MYT1L: variants seen among roughly 807,000 people sequenced by gnomAD.
MYT1L encodes myelin transcription factor 1 like, also known as myelin transcription factor 1-like protein.
Under a neutral mutation model 126.7 loss-of-function variants are expected in MYT1L, and 12 were observed. That is an observed-to-expected ratio of 0.09 (90% CI 0.06 to 0.15). The LOEUF (loss-of-function observed/expected upper bound fraction) is 0.15. MYT1L is among the 10% of genes least tolerant of loss of function. The pLI is 1.00. For missense variants in MYT1L, 979 were observed against 1,585.2 expected (o/e 0.62, Z 6.49); for synonymous variants, 541 against 604.2 (o/e 0.90, Z 1.53).
At chr2:2,233,315 C>T (rs1394169869) in intron 2 of MYT1L, among the ~76,000 whole-genome samples, 6 of 152,106 alleles carry the variant, frequency 3.9e-5, no homozygotes, top group Non-Finnish European at 8.8e-5. Context: ...CACGGGGCGC[C>T]GGGATGTCAG....
intron 4 of MYT1L, among the ~76,000 whole-genome samples, chr2:2,006,069 T>C (rs113096289): frequency 6.6e-6 from 1 of 151,912 alleles, no homozygotes; most frequent in East Asian, 1.9e-4. Flanking sequence ...CTTTCCTGCA[T>C]GTGTTCTTTC....
chr2:2,156,566 G>A (rs1559170247), intron 3 of MYT1L, among the ~76,000 whole-genome samples: 1 of 152,248 alleles, frequency 6.6e-6, no homozygotes, highest in African/African-American at 2.4e-5. Flanking sequence ...ATGTAGATTA[G>A]AAGTTTATTG....
chr2:2,233,529 C>G (rs55791725), intron 2 of MYT1L, among the ~76,000 whole-genome samples: 3,169 of 152,258 alleles, frequency 0.021, 96 homozygotes, highest in African/African-American at 0.072. Flanking sequence ...GATGGGGCGG[C>G]CTCTGGTGTC....
chr2:1,831,623 C>A (rs528844539), intron 21 of MYT1L, among the ~76,000 whole-genome samples: 4 of 152,214 alleles, frequency 2.6e-5, no homozygotes, highest in Admixed American at 6.5e-5. Context: ...TGTATTCCCA[C>A]GGCCAATGCC....
chr2:2,133,915 C>A (rs1447309604), intron 3 of MYT1L, among the ~76,000 whole-genome samples: 2 of 152,190 alleles, frequency 1.3e-5, no homozygotes, highest in Non-Finnish European at 2.9e-5. Flanking sequence ...GGAATAATTT[C>A]TTTAAACTTA....
intron 2 of MYT1L, among the ~76,000 whole-genome samples, chr2:2,248,088 T>C (rs1426451502): frequency 6.6e-6 from 1 of 151,026 alleles, no homozygotes; most frequent in Non-Finnish European, 1.5e-5. Context: ...AAAAGATCAA[T>C]GAAACTGTTT....
chr2:2,118,115 TATA>T (rs1485785840), intron 3 of MYT1L, among the ~76,000 whole-genome samples: 8 of 148,938 alleles, frequency 5.4e-5, no homozygotes, highest in East Asian at 1.9e-4. Flanking sequence ...TATTTTTATA[TATA>T]ATATTTTATA....
chr2:2,246,847 A>G (rs906022376), intron 2 of MYT1L, among the ~76,000 whole-genome samples: 1 of 152,166 alleles, frequency 6.6e-6, no homozygotes, highest in Non-Finnish European at 1.5e-5. Flanking sequence ...AAGTTTATGA[A>G]CATGTTCAAT....
intron 16 of MYT1L, among the ~76,000 whole-genome samples, chr2:1,888,690 CA>C: frequency 6.6e-6 from 1 of 152,102 alleles, no homozygotes; most frequent in Non-Finnish European, 1.5e-5. Context: ...GTAGCTACTT[CA>C]AAAGTATGTT....
At chr2:2,063,965 A>T (rs951162535) in intron 3 of MYT1L, among the ~76,000 whole-genome samples, 1 of 152,224 alleles carries the variant, frequency 6.6e-6, no homozygotes, top group African/African-American at 2.4e-5. Context: ...TATTCATGCC[A>T]TGAGATCGGA....
intron 18 of MYT1L, among the ~76,000 whole-genome samples, chr2:1,871,697 G>A (rs886509879): frequency 6.6e-6 from 1 of 152,150 alleles, no homozygotes; most frequent in African/African-American, 2.4e-5. Flanking sequence ...TCAGTCCTCA[G>A]CCTCTTCAGG....
intron 4 of MYT1L, among the ~76,000 whole-genome samples, chr2:2,037,678 C>A (rs997713742): frequency 2.0e-5 from 3 of 151,632 alleles, no homozygotes; most frequent in South Asian, 2.1e-4. Flanking sequence ...ATCACTTGAG[C>A]CCGGGAGGTG....
intron 3 of MYT1L, among the ~76,000 whole-genome samples, chr2:2,101,805 C>G (rs1392917452): frequency 6.6e-6 from 1 of 152,182 alleles, no homozygotes; most frequent in African/African-American, 2.4e-5. Context: ...ATTGAAGAGA[C>G]AATGCATTTA....
chr2:2,257,008 A>C (rs559751618), intron 2 of MYT1L, among the ~76,000 whole-genome samples: 1 of 152,194 alleles, frequency 6.6e-6, no homozygotes, highest in African/African-American at 2.4e-5. Flanking sequence ...CAGATTTTCA[A>C]TGTTCCCCTT....
At position 1,892,211 on chromosome 2, in the gene MYT1L, C is replaced by T; in HGVS notation, c.2109G>A (p.Leu703=). The change falls in exon 15 of 25, where the codon CTG becomes CTA. Residue 703 remains leucine, a synonymous_variant. Transcript: ENST00000647738. The part of the protein sequence containing the change: ...SSYAPSSSSN[L]SCGGGSSASS... ...TGGCGCTGCTGCCCCCGCCGCAGCTCAGGTTGCTGCTGCTGCTGGGCGCGT... is the reference window on the plus strand; with the variant it reads ...TGGCGCTGCTGCCCCCGCCGCAGCTTAGGTTGCTGCTGCTGCTGGGCGCGT... 1 of 1,549,966 alleles carries T rather than the reference C, an allele frequency of 6.5e-7. No individual in the cohort carries two copies. The highest frequency in any genetic ancestry group is 8.7e-7 in the Non-Finnish European group (1 of 1,146,366).
chr2:2,171,684 C>G (rs1219132612), intron 3 of MYT1L, among the ~76,000 whole-genome samples: 4 of 152,028 alleles, frequency 2.6e-5, no homozygotes, highest in East Asian at 1.9e-4. Context: ...AATGCCTTCC[C>G]CAAACGGAAC....
intron 18 of MYT1L, among the ~76,000 whole-genome samples, chr2:1,874,392 A>G (rs967236795): frequency 1.3e-5 from 2 of 152,166 alleles, no homozygotes. Context: ...AAGTGTTTTC[A>G]CGTTGGTTAA....
intron 1 of MYT1L, among the ~76,000 whole-genome samples, chr2:2,293,755 G>A (rs1393888500): frequency 6.6e-6 from 1 of 152,158 alleles, no homozygotes; most frequent in African/African-American, 2.4e-5. Flanking sequence ...CCAGGTGCAA[G>A]ACCGGCCCCC....
intron 2 of MYT1L, among the ~76,000 whole-genome samples, chr2:2,196,490 G>A (rs965208093): frequency 1.3e-5 from 2 of 151,208 alleles, no homozygotes; most frequent in African/African-American, 4.8e-5. Flanking sequence ...ATAATTTAGT[G>A]TATTTATAAT....
Sources: allele counts gnomAD v4.1 joint callset (sites outside exome capture counted in the v4.1 genomes callset), GRCh38; gene constraint gnomAD v4.1.1; transcripts MANE v1.5; gene names NCBI Gene and HGNC (gene_info 2026-07-23, HGNC 2026-07-21).